The following TANC1 variants were observed in gnomAD, a reference collection of about 807,000 sequenced individuals.
TANC1 encodes the protein protein TANC1.
In TANC1, 77 loss-of-function variants were observed where a neutral mutation model predicts 149.7. The ratio of observed to expected loss-of-function variants is 0.51; its 90% CI spans 0.43 to 0.62. The LOEUF (loss-of-function observed/expected upper bound fraction) is 0.62, where lower values mean the gene tolerates loss of function less well. Ranked by LOEUF, TANC1 falls within the 20% of genes least tolerant of loss-of-function variation. The pLI, the probability that TANC1 is intolerant of heterozygous loss-of-function variation, is 0.00. For missense variants in TANC1, 1,985 were observed against 2,321.8 expected (o/e 0.85, Z 2.98); for synonymous variants, 854 against 925.0 (o/e 0.92, Z 1.39).
chr2:159,166,304 T>A (rs959391069), intron 8 of TANC1, among the ~76,000 whole-genome samples: 6 of 152,228 alleles, frequency 3.9e-5, no homozygotes, highest in Admixed American at 6.5e-5. Context: ...TGCCCTGGAC[T>A]TATTGGCATG....
In TANC1 at chr2:159,178,764, A is replaced by G. The variant is rs936415017; in HGVS notation, c.2111A>G (p.Tyr704Cys). 1 of 1,614,062 alleles carries G rather than the reference A, an allele frequency of 6.2e-7. No homozygotes were observed. Among genetic ancestry groups the G allele is most frequent in the African/African-American group, 1.3e-5 (1 of 74,922 alleles). ...SHLVLRSLGS[Y>C]LYLKLTLDLF... ...CTGGTGCTGCGGAGCCTCGGCTCCT[A>G]CCTGTACCTCAAGCTCACCCTGGAC... is the stretch of plus-strand genomic sequence containing the variant. Residue 704 changes from tyrosine to cysteine, a missense_variant, in exon 14 of 27, where the codon TAC (tyrosine) becomes TGC (cysteine). Physicochemically the swap from Tyr to Cys is radical, Grantham distance 194 (BLOSUM62 -2). Around this residue, in one of 3 missense-constraint regions of TANC1, gnomAD observed 508 missense variants for 714.2 expected, o/e 0.71. Coordinates refer to ENST00000263635, the MANE Select transcript of TANC1 (RefSeq NM_033394.3).
intron 14 of TANC1, among the ~76,000 whole-genome samples, chr2:159,179,529 CAG>C (rs1439771127): frequency 6.6e-6 from 1 of 152,066 alleles, no homozygotes; most frequent in Non-Finnish European, 1.5e-5. Flanking sequence ...CCCCTGGGAA[CAG>C]GGGGCTTCTC....
intron 4 of TANC1, among the ~76,000 whole-genome samples, chr2:159,109,968 T>A (rs2047565091): frequency 6.6e-6 from 1 of 152,172 alleles, no homozygotes; most frequent in South Asian, 2.1e-4. Flanking sequence ...GTTGCTAAGA[T>A]CTATAGTAAG....
intron 2 of TANC1, among the ~76,000 whole-genome samples, chr2:159,039,708 C>G (rs980116391): frequency 2.6e-5 from 4 of 152,152 alleles, no homozygotes; most frequent in Non-Finnish European, 5.9e-5. Flanking sequence ...GCACTATGGT[C>G]TGAGAGACGG....
chr2:159,048,416 G>C (rs1223195474), intron 2 of TANC1, among the ~76,000 whole-genome samples: 3 of 152,186 alleles, frequency 2.0e-5, no homozygotes, highest in South Asian at 2.1e-4. Context: ...GGTGGCCTGA[G>C]ACAAGGACAG....
intron 12 of TANC1, among the ~76,000 whole-genome samples, chr2:159,175,805 G>C (rs1400424614): frequency 6.6e-5 from 10 of 152,216 alleles, no homozygotes; most frequent in Admixed American, 6.5e-4. Flanking sequence ...TCTATTGCCT[G>C]GGCAGAAAAT....
intron 11 of TANC1, among the ~76,000 whole-genome samples, chr2:159,172,833 C>G (rs534669454): frequency 9.5e-4 from 145 of 152,328 alleles, no homozygotes; most frequent in African/African-American, 3.4e-3. Context: ...ATCCCTTGCT[C>G]CTAGTGAGCT....
chr2:159,178,863 A>G lies in TANC1; in HGVS notation c.2210A>G (p.Tyr737Cys), dbSNP rs751949917. 6.8e-6 allele frequency: 11 copies of G among 1,613,844 alleles called. No individual in the cohort carries two copies. The highest frequency in any genetic ancestry group is 8.5e-6 in the Non-Finnish European group (10 of 1,179,998). ...KVVPVSLSEL[Y>C]LLQCNMKFMT... The stretch of plus-strand genomic sequence containing the variant: ...GTGCCCGTGTCTCTCTCTGAGCTCT[A>G]TTTGCTTCAGTGCAACATGAAGTTC... Residue 737 changes from tyrosine (Y) to cysteine (C), a missense_variant, in exon 14 of 27, where the codon TAT (tyrosine) becomes TGT (cysteine). Around this residue, in one of 3 missense-constraint regions of TANC1, gnomAD observed 508 missense variants for 714.2 expected, o/e 0.71. Coordinates refer to ENST00000263635, the MANE Select transcript of TANC1 (RefSeq NM_033394.3).
intron 2 of TANC1, among the ~76,000 whole-genome samples, chr2:159,062,437 A>C (rs1426600178): frequency 6.6e-6 from 1 of 152,208 alleles, no homozygotes; most frequent in Non-Finnish European, 1.5e-5. Context: ...TATTTGGTTC[A>C]AGTGCATGAC....
rs1575389165 is a variant in TANC1, at chr2:159,228,766, T to G, written c.4051-30T>G. 4 of 1,550,314 alleles carry G rather than the reference T, an allele frequency of 2.6e-6. No homozygotes were observed. In the African/African-American group the frequency reaches 5.4e-5, roughly 21 times the overall value. Reference sequence around the variant, plus strand: ...CCCACAATCGTGTGTCCAGGCTGCTTCTGACTCCTGTATTTCTTGTCGACA... The same window carrying G: ...CCCACAATCGTGTGTCCAGGCTGCTGCTGACTCCTGTATTTCTTGTCGACA... On this transcript the variant is annotated intron_variant, in intron 25 of 26. Coordinates refer to ENST00000263635, the MANE Select transcript of TANC1 (RefSeq NM_033394.3).
At chr2:158,972,825 A>C (rs140520232) in intron 1 of TANC1, among the ~76,000 whole-genome samples, 1 of 152,300 alleles carries the variant, frequency 6.6e-6, no homozygotes, top group Non-Finnish European at 1.5e-5. Context: ...TTAGCTAGAG[A>C]AGTTGGGACA....
At chr2:159,148,998 G>C (rs2052465692) in intron 5 of TANC1, 144 bp from the exon 6 acceptor site, 2 of 877,202 alleles carry the variant, frequency 2.3e-6, no homozygotes, top group Non-Finnish European at 3.5e-6. Flanking sequence ...ATTGCTAGAG[G>C]ACAGGGTGCG....
At chr2:159,120,210 G>A (rs1396976271) in intron 4 of TANC1, among the ~76,000 whole-genome samples, 2 of 152,294 alleles carry the variant, frequency 1.3e-5, no homozygotes, top group African/African-American at 2.4e-5. Context: ...TAGTGTATGT[G>A]CTGTGGGGAA....
At chr2:159,184,758 A>G (rs2056817805) in intron 14 of TANC1, among the ~76,000 whole-genome samples, 1 of 152,180 alleles carries the variant, frequency 6.6e-6, no homozygotes, top group African/African-American at 2.4e-5. Context: ...AGGGAATGAC[A>G]GGGCATGTGC....
rs916560027 is a variant in TANC1 at position 159,095,581 on chromosome 2, C to T, written c.62-2056C>T. ...TGAAACCCTGTCTCTACTAAAAATA[C>T]AAAGATTAGCCGGGTGTGGTGGCGG... On this transcript the variant is annotated intron_variant, in intron 3 of 26. Coordinates refer to ENST00000263635, the MANE Select transcript of TANC1 (RefSeq NM_033394.3). Among the ~76,000 whole-genome samples the T allele has an allele frequency of 8.5e-4, 129 of 151,848 alleles. 1 individual carries two copies. The highest frequency in any genetic ancestry group is 6.6e-4 in the Admixed American group (10 of 15,238).
At chr2:159,157,286 A>G (rs1481023515) in intron 7 of TANC1, among the ~76,000 whole-genome samples, 7 of 151,986 alleles carry the variant, frequency 4.6e-5, no homozygotes, top group Non-Finnish European at 8.8e-5. Context: ...GCCGCAGGTG[A>G]ACCAGGGACT....
At chr2:159,161,039 A>C (rs1400369978) in intron 7 of TANC1, among the ~76,000 whole-genome samples, 1 of 151,434 alleles carries the variant, frequency 6.6e-6, no homozygotes, top group Non-Finnish European at 1.5e-5. Flanking sequence ...TGAGAGCCAC[A>C]CCTTCCACCT....
At chr2:159,153,036 A>C (rs1284521383) in intron 7 of TANC1, among the ~76,000 whole-genome samples, 1 of 151,994 alleles carries the variant, frequency 6.6e-6, no homozygotes. Context: ...CCTTCAGTGT[A>C]TTTGTTCTTG....
At chr2:159,115,185 T>TGTGTGTGTGTGTGTATGTGTGTCC (rs2048119312) in intron 4 of TANC1, among the ~76,000 whole-genome samples, 1 of 151,324 alleles carries the variant, frequency 6.6e-6, no homozygotes, top group African/African-American at 2.4e-5. Flanking sequence ...TGTGTGTGTG[T>TGTGTGTGTGTGTGTATGTGTGTCC]GTGTGTGTGT....
Sources: gnomAD v4.1 joint callset for allele counts (sites outside exome capture counted in the v4.1 genomes callset) on GRCh38, gnomAD v4.1.1 for gene constraint, gnomAD v4.1.1 regional missense constraint, MANE v1.5 for transcripts, NCBI Gene and HGNC (gene_info 2026-07-23, HGNC 2026-07-21) for gene names.